Variants in TBC1D9 observed in about 807,000 individuals in gnomAD.
TBC1D9 encodes TBC1 domain family member 9, also known as TBC1 domain family member 9A.
A neutral mutation model predicts 132.0 loss-of-function variants in TBC1D9; 63 were observed. The ratio of observed to expected loss-of-function variants is 0.48; its 90% CI spans 0.39 to 0.59. The LOEUF is 0.59. TBC1D9 is among the 20% of genes least tolerant of loss of function. The pLI is 0.00. For missense variants in TBC1D9, 1,261 were observed against 1,592.7 expected, an observed-to-expected ratio of 0.79 and a Z score of 3.54; for synonymous variants, 610 against 609.9, an observed-to-expected ratio of 1.00 and a Z score of 0.00.
chr4:140,680,646 T>G (rs1201346521), intron 3 of TBC1D9, among the ~76,000 whole-genome samples: 1 of 152,194 alleles, frequency 6.6e-6, no homozygotes, highest in Non-Finnish European at 1.5e-5. Flanking sequence ...GAACTGAAAA[T>G]GCATGACCTT....
In TBC1D9 at chr4:140,750,107, TTAAAATAAAA is replaced by T. The variant is rs572262178; in HGVS notation, c.130+5799_130+5808del. 1.9e-4 allele frequency among the ~76,000 whole-genome samples: 28 copies of T among 150,828 alleles called. No homozygotes were observed. In the South Asian group the frequency reaches 2.3e-3, roughly 12 times the overall value. On this transcript the variant is annotated intron_variant, in intron 1 of 20. Coordinates refer to ENST00000442267, the MANE Select transcript of TBC1D9 (RefSeq NM_015130.3). ...TTGGCAAACTAGGAATAAGAACTCC[TTAAAATAAAA>T]TAAAATAAAATAAAATGAAAACAGG...
chr4:140,712,779 A>AGATAGATAGATAGATG (rs1248595266), intron 1 of TBC1D9, among the ~76,000 whole-genome samples: 1 of 151,754 alleles, frequency 6.6e-6, no homozygotes, highest in Non-Finnish European at 1.5e-5. Context: ...ATAGATAGAT[A>AGATAGATAGATAGATG]GATAGATAAA....
intron 1 of TBC1D9, among the ~76,000 whole-genome samples, chr4:140,750,868 T>G (rs891954802): frequency 6.6e-5 from 10 of 152,154 alleles, no homozygotes; most frequent in African/African-American, 2.4e-4. Flanking sequence ...ACAAATTTTT[T>G]TTTTTACTTC....
At chr4:140,707,711 A>T (rs532410944) in intron 1 of TBC1D9, among the ~76,000 whole-genome samples, 28 of 152,272 alleles carry the variant, frequency 1.8e-4, no homozygotes, top group African/African-American at 6.5e-4. Context: ...TTCTTTAATG[A>T]GCCTTGTTTG....
chr4:140,708,859 C>T (rs955446675), intron 1 of TBC1D9, among the ~76,000 whole-genome samples: 2 of 151,938 alleles, frequency 1.3e-5, no homozygotes, highest in Non-Finnish European at 2.9e-5. Context: ...TGTTCTGTTC[C>T]GTGACCTCAA....
At position 140,628,377 on chromosome 4, in the gene TBC1D9, A is replaced by AT. The variant is rs560059933; in HGVS notation, c.2747-13dup. The AT allele has an allele frequency of 9.7e-5, 156 of 1,612,406 alleles. 1 individual carries two copies. The East Asian group carries it at 2.5e-3, about 26-fold the overall frequency. On this transcript the variant is annotated splice_polypyrimidine_tract_variant and intron_variant, in intron 16 of 20. Coordinates refer to ENST00000442267, the MANE Select transcript of TBC1D9 (RefSeq NM_015130.3). ...ATGGCATGCAGCACCTAGAAGTCAC[A>AT]TAAGTACCAATGTGAAATGCATCAC...
chr4:140,636,081 T>C (rs992186940), intron 15 of TBC1D9, among the ~76,000 whole-genome samples: 2 of 152,202 alleles, frequency 1.3e-5, no homozygotes, highest in African/African-American at 4.8e-5. Flanking sequence ...GCAGGCACTT[T>C]CATGGTGCTC....
At chr4:140,737,019 G>C (rs1738683073) in intron 1 of TBC1D9, among the ~76,000 whole-genome samples, 1 of 152,112 alleles carries the variant, frequency 6.6e-6, no homozygotes, top group African/African-American at 2.4e-5. Flanking sequence ...GGGCAGCAGG[G>C]GTGGGAATGG....
At chr4:140,623,283 G>A (rs1306174432) in intron 20 of TBC1D9, among the ~76,000 whole-genome samples, 1 of 152,032 alleles carries the variant, frequency 6.6e-6, no homozygotes, top group Non-Finnish European at 1.5e-5. Flanking sequence ...TACCCAGGCT[G>A]GTCTTGTACT....
intron 1 of TBC1D9, among the ~76,000 whole-genome samples, chr4:140,734,138 T>C (rs1405186060): frequency 6.6e-6 from 1 of 152,124 alleles, no homozygotes; most frequent in Admixed American, 6.5e-5. Flanking sequence ...GCTTTTTGGA[T>C]TTTTCTGATT....
At chr4:140,740,870 A>G (rs1363034187) in intron 1 of TBC1D9, among the ~76,000 whole-genome samples, 1 of 152,176 alleles carries the variant, frequency 6.6e-6, no homozygotes, top group Non-Finnish European at 1.5e-5. Context: ...GGATTTCCTG[A>G]GTGGATCTCA....
intron 20 of TBC1D9, 46 bp downstream of exon 20, chr4:140,624,070 A>G (rs780633731): frequency 2.1e-6 from 3 of 1,451,070 alleles, no homozygotes; most frequent in South Asian, 2.5e-5. Context: ...CATAGAAAAA[A>G]GAGTGTCCAG....
intron 1 of TBC1D9, among the ~76,000 whole-genome samples, chr4:140,721,405 G>GA (rs375173327): frequency 1.6e-4 from 24 of 152,152 alleles, no homozygotes; most frequent in African/African-American, 5.8e-4. Context: ...CCTATTTGAT[G>GA]AATGAGGACA....
At chr4:140,721,860 C>T (rs1738428218) in intron 1 of TBC1D9, among the ~76,000 whole-genome samples, 1 of 152,156 alleles carries the variant, frequency 6.6e-6, no homozygotes, top group Non-Finnish European at 1.5e-5. Context: ...CCCAACACCT[C>T]ATATCTCCTG....
chr4:140,628,836 A>G (rs544435204), intron 16 of TBC1D9, among the ~76,000 whole-genome samples: 3 of 152,194 alleles, frequency 2.0e-5, no homozygotes, highest in Admixed American at 2.0e-4. Context: ...CAAATTACTC[A>G]TTCTAGAAAT....
chr4:140,654,666 G>A (rs961355302), intron 13 of TBC1D9, among the ~76,000 whole-genome samples: 7 of 152,244 alleles, frequency 4.6e-5, no homozygotes, highest in Middle Eastern at 6.8e-3. Context: ...GTCCTGGGGC[G>A]ATGACTTTTT....
At position 140,657,519 on chromosome 4, in the gene TBC1D9, T is replaced by C; in HGVS notation, c.2207+8A>G. ...AGATGGTTTTCAAAGTTAGGCTTAGTACAATACCTTCCCAAAACGGTCATG... is the reference window on the plus strand; with the variant it reads ...AGATGGTTTTCAAAGTTAGGCTTAGCACAATACCTTCCCAAAACGGTCATG... On this transcript the variant is annotated splice_region_variant and intron_variant, in intron 12 of 20. Transcript: ENST00000442267. 1 of 1,610,492 alleles carries C rather than the reference T, an allele frequency of 6.2e-7. No individual in the cohort carries two copies. Among genetic ancestry groups the C allele is most frequent in the Admixed American group, 1.7e-5 (1 of 59,898 alleles).
chr4:140,715,703 T>G (rs1412360024), intron 1 of TBC1D9: 1 of 152,214 alleles, frequency 6.6e-6, no homozygotes, highest in Non-Finnish European at 1.5e-5. Context: ...AAGGGAGAGA[T>G]ACAGTAGCAG....
At chr4:140,630,569 C>T (rs1304038307) in intron 16 of TBC1D9, among the ~76,000 whole-genome samples, 2 of 152,144 alleles carry the variant, frequency 1.3e-5, no homozygotes, top group Non-Finnish European at 2.9e-5. Context: ...CTGCCATTTT[C>T]GTGATTTGCT....
Sources: allele counts gnomAD v4.1 joint callset (sites outside exome capture counted in the v4.1 genomes callset), GRCh38; gene constraint gnomAD v4.1.1; transcripts MANE v1.5; gene names NCBI Gene and HGNC (gene_info 2026-07-23, HGNC 2026-07-21).